Variants in ASTN2 observed in about 807,000 individuals in gnomAD.
The protein encoded by ASTN2 is astrotactin-2.
Under a neutral mutation model 139.8 loss-of-function variants are expected in ASTN2, and 54 were observed. The ratio of observed to expected loss-of-function variants is 0.39; its 90% confidence interval spans 0.31 to 0.48. ASTN2 has a LOEUF of 0.48. Among genes scored for constraint, ASTN2 ranks in the 20% least tolerant of loss-of-function variants. The pLI is 0.95. For synonymous variants in ASTN2, 756 were observed against 719.5 expected (o/e 1.05, Z -0.81); for missense variants, 1,565 against 1,725.1 (o/e 0.91, Z 1.64).
chr9:116,739,327 C>A (rs966270258), intron 13 of ASTN2, among the ~76,000 whole-genome samples: 2 of 152,148 alleles, frequency 1.3e-5, no homozygotes, highest in Non-Finnish European at 2.9e-5. Context: ...ATTATCTAGA[C>A]CCTGCCTACT....
chr9:116,486,060 G>A (rs531271377), intron 20 of ASTN2, among the ~76,000 whole-genome samples: 1 of 152,278 alleles, frequency 6.6e-6, no homozygotes, highest in South Asian at 2.1e-4. Flanking sequence ...TCTACAAGGT[G>A]GGTTTTATTA....
chr9:117,102,525 A>C (rs541746341), intron 4 of ASTN2, among the ~76,000 whole-genome samples: 2 of 152,012 alleles, frequency 1.3e-5, no homozygotes, highest in East Asian at 3.9e-4. Context: ...AAAATGATTT[A>C]TTATTATTAT....
intron 1 of ASTN2, among the ~76,000 whole-genome samples, chr9:117,371,880 G>T (rs1830000444): frequency 2.0e-5 from 3 of 152,066 alleles, no homozygotes; most frequent in African/African-American, 4.8e-5. Context: ...TTTCACACAG[G>T]TTCATTCAGA....
At chr9:117,085,400 A>C (rs1347710682) in intron 5 of ASTN2, among the ~76,000 whole-genome samples, 1 of 152,154 alleles carries the variant, frequency 6.6e-6, no homozygotes, top group Non-Finnish European at 1.5e-5. Flanking sequence ...CATAGTTTGA[A>C]TCTTTCTCCT....
Position 116,622,411 on chromosome 9 carries a change from T to A in ASTN2, c.3073-1968A>T, listed in dbSNP as rs1022578471. On this transcript the variant is annotated intron_variant, in intron 17 of 22. Transcript: ENST00000313400. ...CCAAAGAAATAAAAAATAATTATAA[T>A]AAAAGCTAATGTTCATGAAAAACAC... Among the ~76,000 whole-genome samples, 5 of 152,166 alleles carry A rather than the reference T, an allele frequency of 3.3e-5. No individual in the cohort carries two copies. The South Asian group carries it at 1.0e-3, about 32-fold the overall frequency.
At chr9:116,974,438 C>T (rs1361199759) in intron 10 of ASTN2, among the ~76,000 whole-genome samples, 1 of 149,688 alleles carries the variant, frequency 6.7e-6, no homozygotes, top group African/African-American at 2.5e-5. Flanking sequence ...CTACAAGCTG[C>T]AGGATAATGT....
At chr9:117,014,159 G>T (rs1403344124) in intron 6 of ASTN2, among the ~76,000 whole-genome samples, 1 of 152,058 alleles carries the variant, frequency 6.6e-6, no homozygotes, top group Non-Finnish European at 1.5e-5. Context: ...AAAACAAACT[G>T]TGTGATGAAG....
chr9:116,476,430 C>T (rs911820623), intron 20 of ASTN2, among the ~76,000 whole-genome samples: 46 of 152,292 alleles, frequency 3.0e-4, no homozygotes, highest in African/African-American at 6.7e-4. Context: ...AGACTTGCAG[C>T]GGAGGGTTCC....
At position 116,758,918 on chromosome 9, in the gene ASTN2, A is replaced by G. The variant is rs1358674265; in HGVS notation, c.2397-25395T>C. On this transcript the variant is annotated intron_variant, in intron 13 of 22. Transcript: ENST00000313400. ...TATTTTATTTTTTCTTTTAAAGACA[A>G]AGTCTTGCTCTGTCACCCAGGCTGG... 2.0e-5 allele frequency among the ~76,000 whole-genome samples: 3 copies of G among 152,090 alleles called. No homozygotes were observed. In the East Asian group the frequency reaches 5.8e-4, roughly 29 times the overall value.
At chr9:116,480,924 A>C (rs1849147321) in intron 20 of ASTN2, among the ~76,000 whole-genome samples, 1 of 152,140 alleles carries the variant, frequency 6.6e-6, no homozygotes, top group Non-Finnish European at 1.5e-5. Context: ...CTGCTTAGGT[A>C]ATGTCTGTCA....
chr9:117,191,043 T>C (rs1831334808), intron 3 of ASTN2, among the ~76,000 whole-genome samples: 1 of 152,136 alleles, frequency 6.6e-6, no homozygotes, highest in Admixed American at 6.6e-5. Flanking sequence ...TGTTACCTTA[T>C]TTAACAAATG....
chr9:117,174,001 A>T (rs1028331956), intron 3 of ASTN2, among the ~76,000 whole-genome samples: 1 of 151,810 alleles, frequency 6.6e-6, no homozygotes, highest in Non-Finnish European at 1.5e-5. Flanking sequence ...CTAATAAAAT[A>T]GATATAATAT....
chr9:117,273,417 TCA>T (rs1224308870), intron 2 of ASTN2, among the ~76,000 whole-genome samples: 1 of 152,144 alleles, frequency 6.6e-6, no homozygotes, highest in African/African-American at 2.4e-5. Context: ...CTCCTGAACC[TCA>T]GTTTTCTCAC....
At chr9:117,223,806 TC>T (rs1832610654) in intron 2 of ASTN2, among the ~76,000 whole-genome samples, 2 of 152,192 alleles carry the variant, frequency 1.3e-5, no homozygotes, top group Non-Finnish European at 2.9e-5. Flanking sequence ...TATCTATATT[TC>T]TTTTTTGCCT....
At chr9:116,671,067 T>C (rs1485591652) in intron 16 of ASTN2, among the ~76,000 whole-genome samples, 1 of 152,190 alleles carries the variant, frequency 6.6e-6, no homozygotes, top group Admixed American at 6.5e-5. Context: ...CTGTCAACTC[T>C]TAGGTAGGCA....
intron 1 of ASTN2, among the ~76,000 whole-genome samples, chr9:117,321,406 C>T (rs558715022): frequency 2.0e-5 from 3 of 152,276 alleles, no homozygotes; most frequent in South Asian, 2.1e-4. Context: ...CTAAACAAAC[C>T]AGTTCCAAAA....
At chr9:117,129,936 C>T (rs907440009) in intron 4 of ASTN2, among the ~76,000 whole-genome samples, 1 of 152,078 alleles carries the variant, frequency 6.6e-6, no homozygotes, top group Non-Finnish European at 1.5e-5. Flanking sequence ...CTTTCCCTTT[C>T]CCTCTGTCAA....
At chr9:116,459,815 G>A (rs1321967218) in intron 20 of ASTN2, among the ~76,000 whole-genome samples, 2 of 152,006 alleles carry the variant, frequency 1.3e-5, no homozygotes, top group African/African-American at 2.4e-5. Flanking sequence ...AATGCAGAAC[G>A]GTGCAGCCAT....
At chr9:116,879,725 G>C (rs773368269) in intron 10 of ASTN2, among the ~76,000 whole-genome samples, 14 of 152,100 alleles carry the variant, frequency 9.2e-5, no homozygotes, top group Non-Finnish European at 1.6e-4. Flanking sequence ...ACTCTGCAAA[G>C]CACTGAGCCC....
Sources: gnomAD v4.1 joint callset for allele counts (sites outside exome capture counted in the v4.1 genomes callset) on GRCh38, gnomAD v4.1.1 for gene constraint, MANE v1.5 for transcripts, NCBI Gene and HGNC (gene_info 2026-07-23, HGNC 2026-07-21) for gene names.